Variants in BARX2 observed in about 807,000 individuals in gnomAD.
BARX2 encodes the protein homeobox protein BarH-like 2.
A neutral mutation model predicts 25.5 loss-of-function variants in BARX2; 11 were observed. That is an observed-to-expected ratio of 0.43 (90% CI 0.27 to 0.71). The LOEUF (loss-of-function observed/expected upper bound fraction) is 0.71. Among genes scored for constraint, BARX2 ranks in the 30% least tolerant of loss-of-function variants. The probability of loss-of-function intolerance (pLI) is 0.19; values close to 1 mark genes in which losing one functional copy is unlikely to be tolerated. For synonymous variants in BARX2, 137 were observed against 149.5 expected, an observed-to-expected ratio of 0.92 and a Z score of 0.61; for missense variants, 360 against 359.9, an observed-to-expected ratio of 1.00 and a Z score of 0.00.
chr11:129,410,013 GC>G (rs1210948961), intron 1 of BARX2, among the ~76,000 whole-genome samples: 1 of 152,074 alleles, frequency 6.6e-6, no homozygotes, highest in African/African-American at 2.4e-5. Flanking sequence ...ACTTATATGG[GC>G]CTTAATAGCC....
intron 1 of BARX2, among the ~76,000 whole-genome samples, chr11:129,404,810 G>A (rs1861813391): frequency 6.6e-6 from 1 of 152,162 alleles, no homozygotes; most frequent in Admixed American, 6.5e-5. Context: ...GTCTTGTTTT[G>A]ATCTTTTCTC....
At chr11:129,412,100 G>A (rs1321267353) in intron 1 of BARX2, among the ~76,000 whole-genome samples, 1 of 151,902 alleles carries the variant, frequency 6.6e-6, no homozygotes, top group African/African-American at 2.4e-5. Flanking sequence ...GTGAAACCCC[G>A]TCTCTACTAA....
chr11:129,408,121 G>A (rs900304879), intron 1 of BARX2, among the ~76,000 whole-genome samples: 4 of 151,744 alleles, frequency 2.6e-5, no homozygotes, highest in African/African-American at 9.7e-5. Context: ...GCAGGAGTAT[G>A]GCATGGAAAG....
chr11:129,388,162 C>G (rs1240549204), intron 1 of BARX2, among the ~76,000 whole-genome samples: 1 of 151,936 alleles, frequency 6.6e-6, no homozygotes, highest in Non-Finnish European at 1.5e-5. Flanking sequence ...AATGCATCAG[C>G]TCTGTTGGAA....
chr11:129,420,130 G>A (rs1861988092), intron 1 of BARX2, among the ~76,000 whole-genome samples: 1 of 151,966 alleles, frequency 6.6e-6, no homozygotes, highest in Non-Finnish European at 1.5e-5. Context: ...CAGTGTTGTG[G>A]GCCTTTGGGT....
chr11:129,445,668 A>G (rs1215749749), intron 3 of BARX2, among the ~76,000 whole-genome samples: 1 of 152,226 alleles, frequency 6.6e-6, no homozygotes, highest in Non-Finnish European at 1.5e-5. Flanking sequence ...ATGGAGATGC[A>G]AAGATAAGAC....
intron 1 of BARX2, among the ~76,000 whole-genome samples, chr11:129,386,870 C>T (rs908930324): frequency 6.6e-6 from 1 of 152,170 alleles, no homozygotes; most frequent in African/African-American, 2.4e-5. Flanking sequence ...TTCCTGCCAC[C>T]ACTCCTGTCT....
chr11:129,421,133 A>G (rs1422405790), intron 1 of BARX2, among the ~76,000 whole-genome samples: 2 of 152,204 alleles, frequency 1.3e-5, no homozygotes, highest in Non-Finnish European at 2.9e-5. Context: ...CCTGGTAGCC[A>G]GTTGGATACC....
At position 129,448,126 on chromosome 11, in the gene BARX2, A is replaced by G. The variant is rs149618295; in HGVS notation, c.574-3010A>G. Among the ~76,000 whole-genome samples the G allele has an allele frequency of 4.6e-3, 701 of 152,328 alleles. 2 individuals are homozygous for G. Among genetic ancestry groups the G allele is most frequent in the African/African-American group, 0.016 (665 of 41,574 alleles). On this transcript the variant is annotated intron_variant, in intron 3 of 3. Coordinates refer to ENST00000281437, the MANE Select transcript of BARX2 (RefSeq NM_003658.5). ...TTACTGAGAACTTCTTGGTTTTCTT[A>G]CTTCATACTCAAAAATTAACTCAAA... is the stretch of plus-strand genomic sequence containing the variant.
intron 2 of BARX2, among the ~76,000 whole-genome samples, chr11:129,438,815 T>C (rs1427095764): frequency 6.6e-6 from 1 of 152,036 alleles, no homozygotes; most frequent in Non-Finnish European, 1.5e-5. Flanking sequence ...CTGAGTGCAG[T>C]AGGAACACAG....
chr11:129,433,614 G>A (rs1003249361), intron 1 of BARX2, among the ~76,000 whole-genome samples: 5 of 151,990 alleles, frequency 3.3e-5, no homozygotes, highest in African/African-American at 1.2e-4. Flanking sequence ...TGCTCATTCG[G>A]CCTTTAGGGC....
chr11:129,378,081 T>C (rs1371820548), intron 1 of BARX2, among the ~76,000 whole-genome samples: 1 of 152,240 alleles, frequency 6.6e-6, no homozygotes, highest in Non-Finnish European at 1.5e-5. Flanking sequence ...TTTCACAGAC[T>C]TAAGTGTTGC....
intron 3 of BARX2, among the ~76,000 whole-genome samples, chr11:129,447,984 C>T (rs2135417960): frequency 6.6e-6 from 1 of 152,252 alleles, no homozygotes; most frequent in Middle Eastern, 3.4e-3. Flanking sequence ...CGTCTTCTCC[C>T]CAGGGTTGGT....
intron 1 of BARX2, among the ~76,000 whole-genome samples, chr11:129,420,005 T>A (rs558022086): frequency 6.6e-6 from 1 of 152,176 alleles, no homozygotes; most frequent in African/African-American, 2.4e-5. Flanking sequence ...GTTCTCTAAC[T>A]TCTGACCTCA....
chr11:129,413,483 T>C (rs368661596), intron 1 of BARX2, among the ~76,000 whole-genome samples: 3 of 152,248 alleles, frequency 2.0e-5, no homozygotes, highest in African/African-American at 7.2e-5. Context: ...TGGGGCCCAG[T>C]TCAATTTGTC....
chr11:129,393,350 A>C (rs932994580), intron 1 of BARX2, among the ~76,000 whole-genome samples: 1 of 152,192 alleles, frequency 6.6e-6, no homozygotes, highest in South Asian at 2.1e-4. Flanking sequence ...TATTTTGAAA[A>C]GTATGGTGCT....
Position 129,444,983 on chromosome 11 carries a change from G to A in BARX2, c.573+2064G>A, listed in dbSNP as rs558563113. Among the ~76,000 whole-genome samples the A allele has an allele frequency of 5.3e-5, 8 of 151,740 alleles. No individual in the cohort carries two copies. The South Asian group carries it at 1.0e-3, about 20-fold the overall frequency. On this transcript the variant is annotated intron_variant, in intron 3 of 3. Transcript: ENST00000281437. ...ACCATTGCTCTCCAGTCTGGGCCAC[G>A]GAGCAAGACTCCGTCTCAAAAAATA...
intron 1 of BARX2, among the ~76,000 whole-genome samples, chr11:129,379,443 C>T (rs1861538327): frequency 6.6e-6 from 1 of 152,106 alleles, no homozygotes; most frequent in African/African-American, 2.4e-5. Flanking sequence ...AGAGCATTGA[C>T]CGTCATTACA....
intron 2 of BARX2, among the ~76,000 whole-genome samples, chr11:129,440,786 T>G (rs146820589): frequency 6.6e-6 from 1 of 152,144 alleles, no homozygotes; most frequent in Non-Finnish European, 1.5e-5. Flanking sequence ...GATAGTTAGA[T>G]CTCCCCAGGT....
Sources: gnomAD v4.1 joint callset for allele counts (sites outside exome capture counted in the v4.1 genomes callset) on GRCh38, gnomAD v4.1.1 for gene constraint, MANE v1.5 for transcripts, NCBI Gene and HGNC (gene_info 2026-07-23, HGNC 2026-07-21) for gene names.